The following PCBP3 variants were observed in gnomAD, a reference collection of about 807,000 sequenced individuals.
The protein encoded by PCBP3 is poly(rC) binding protein 3, also known as poly(rC)-binding protein 3.
Under a neutral mutation model 52.7 loss-of-function variants are expected in PCBP3, and 25 were observed. That is an observed-to-expected ratio of 0.47 (90% CI 0.35 to 0.66). PCBP3 has a LOEUF of 0.66. Among genes scored for constraint, PCBP3 ranks in the 30% least tolerant of loss-of-function variants. PCBP3 has a pLI of 0.01. For synonymous variants in PCBP3, 162 were observed against 183.0 expected, an observed-to-expected ratio of 0.89 and a Z score of 0.93; for missense variants, 391 against 490.3, an observed-to-expected ratio of 0.80 and a Z score of 1.91.
At chr21:45,842,112 C>T (rs2093711316) in intron 4 of PCBP3, among the ~76,000 whole-genome samples, 1 of 152,250 alleles carries the variant, frequency 6.6e-6, no homozygotes, top group African/African-American at 2.4e-5. Flanking sequence ...ATTCTCTGTG[C>T]AGAAGTGAAT....
intron 5 of PCBP3, among the ~76,000 whole-genome samples, chr21:45,867,690 C>T (rs1381782886): frequency 6.6e-6 from 1 of 152,270 alleles, no homozygotes; most frequent in African/African-American, 2.4e-5. Flanking sequence ...GGGGCTGCGC[C>T]CATCGTGGAG....
intron 4 of PCBP3, among the ~76,000 whole-genome samples, chr21:45,832,057 A>G (rs147198694): frequency 1.5e-3 from 226 of 152,316 alleles, no homozygotes; most frequent in Non-Finnish European, 2.6e-3. Context: ...TGGCTACTTC[A>G]TACGCAGAGC....
intron 13 of PCBP3, among the ~76,000 whole-genome samples, chr21:45,922,975 TGTC>T (rs201918936): frequency 8.1e-6 from 1 of 123,232 alleles, no homozygotes; most frequent in Non-Finnish European, 1.7e-5. Context: ...TGTAGAAATG[TGTC>T]GTTGTAAGTG....
chr21:45,930,244 T>C (rs1433222373), intron 14 of PCBP3, among the ~76,000 whole-genome samples: 2 of 152,192 alleles, frequency 1.3e-5, no homozygotes, highest in Non-Finnish European at 2.9e-5. Context: ...GCCTTGCTTG[T>C]GAAGAGACGT....
chr21:45,925,395 A>C (rs2075266888), intron 13 of PCBP3, among the ~76,000 whole-genome samples: 1 of 152,274 alleles, frequency 6.6e-6, no homozygotes, highest in South Asian at 2.1e-4. Context: ...AAGGAGTGAA[A>C]TAAAAAAGAA....
intron 2 of PCBP3, among the ~76,000 whole-genome samples, chr21:45,694,100 C>T (rs954229920): frequency 9.2e-5 from 14 of 151,710 alleles, no homozygotes; most frequent in African/African-American, 2.2e-4. Flanking sequence ...ATTAAAACAA[C>T]GGAATAAAAA....
intron 4 of PCBP3, among the ~76,000 whole-genome samples, chr21:45,841,424 A>G (rs2093697729): frequency 6.7e-6 from 1 of 148,322 alleles, no homozygotes; most frequent in Non-Finnish European, 1.5e-5. Flanking sequence ...AAAAAAATCT[A>G]GTTGGTTCGT....
intron 5 of PCBP3, among the ~76,000 whole-genome samples, chr21:45,895,454 G>C (rs2095799974): frequency 6.6e-6 from 1 of 152,172 alleles, no homozygotes; most frequent in African/African-American, 2.4e-5. Flanking sequence ...CAGTACCTCG[G>C]AGCAGGGTCC....
At chr21:45,748,327 G>T (rs1322667616) in intron 3 of PCBP3, among the ~76,000 whole-genome samples, 5 of 152,190 alleles carry the variant, frequency 3.3e-5, no homozygotes, top group Admixed American at 3.3e-4. Context: ...ACTTCATTCT[G>T]TGTAGGGTTC....
rs1042593800 is a variant in PCBP3, at chr21:45,772,644, G to C, written c.-126+17192G>C. Among the ~76,000 whole-genome samples the C allele has an allele frequency of 2.6e-5, 4 of 152,124 alleles. No homozygotes were observed. In the South Asian group the frequency reaches 8.3e-4, roughly 32 times the overall value. ...AGTTTTTTTGAAAAATCTCTGTACTGTTTTCCATAGTGGCTGTACTCGTTT... is the reference window on the plus strand; with the variant it reads ...AGTTTTTTTGAAAAATCTCTGTACTCTTTTCCATAGTGGCTGTACTCGTTT... On this transcript the variant is annotated intron_variant, in intron 4 of 17. Transcript: ENST00000681687.
chr21:45,672,624 T>A (rs529888750), intron 2 of PCBP3, among the ~76,000 whole-genome samples: 1 of 152,302 alleles, frequency 6.6e-6, no homozygotes, highest in Non-Finnish European at 1.5e-5. Flanking sequence ...TTCTTATGCA[T>A]GTGTCTCTCC....
At chr21:45,935,208 T>TAG in intron 15 of PCBP3, 45 bp from the exon 16 acceptor site, 1 of 1,431,208 alleles carries the variant, frequency 7.0e-7, no homozygotes, top group Non-Finnish European at 9.8e-7. Flanking sequence ...GTGTGACTGT[T>TAG]AGCAGCCTTC....
rs892029915 is a variant in PCBP3, at chr21:45,732,263, T to C, written c.-199-3129T>C. Reference sequence around the variant, plus strand: ...TCTGTTCACCCTGTCTGTGCTTGTCTCTTTGTACATAGTTTCCTATTTTAA... The same window carrying C: ...TCTGTTCACCCTGTCTGTGCTTGTCCCTTTGTACATAGTTTCCTATTTTAA... On this transcript the variant is annotated intron_variant, in intron 2 of 17. Coordinates refer to ENST00000681687, the MANE Select transcript of PCBP3 (RefSeq NM_001384156.1). Among the ~76,000 whole-genome samples the C allele has an allele frequency of 2.6e-5, 4 of 152,146 alleles. No homozygotes were observed. In the South Asian group the frequency reaches 8.3e-4, roughly 31 times the overall value.
rs1410821019 is a variant in PCBP3, at chr21:45,930,756, C to T, written c.797-30C>T. The T allele has an allele frequency of 2.6e-5, 27 of 1,031,382 alleles. No homozygotes were observed. The East Asian group carries it at 5.7e-4, about 22-fold the overall frequency. The allele number at this position is 1,031,382 out of a possible 1,614,324, so 63.9% of individuals were successfully genotyped here. A position where few individuals can be genotyped will look rare whatever the true frequency, so the allele number is the denominator to read the frequency against. On this transcript the variant is annotated intron_variant, in intron 14 of 17. Transcript: ENST00000681687. ...CCTGCTTATCTCCTTGAGGGCAAAA[C>T]ATTAAACCTGTCTCTTCTTTGCTCT...
chr21:45,761,936 C>T (rs1454739695), intron 4 of PCBP3: 2 of 152,308 alleles, frequency 1.3e-5, no homozygotes, highest in Admixed American at 6.5e-5. Flanking sequence ...TGGTCTCTCT[C>T]TGTGCAACTC....
At chr21:45,841,037 T>C (rs2093689324) in intron 4 of PCBP3, among the ~76,000 whole-genome samples, 1 of 152,260 alleles carries the variant, frequency 6.6e-6, no homozygotes, top group Non-Finnish European at 1.5e-5. Context: ...TCATGTGTTG[T>C]GTACCGCTTT....
chr21:45,807,316 A>G (rs548253567), intron 4 of PCBP3, among the ~76,000 whole-genome samples: 3 of 152,346 alleles, frequency 2.0e-5, no homozygotes, highest in African/African-American at 7.2e-5. Flanking sequence ...AATCTCCTTA[A>G]GCTGATAAGC....
At chr21:45,664,819 C>T (rs1017768633) in intron 1 of PCBP3, among the ~76,000 whole-genome samples, 1 of 140,162 alleles carries the variant, frequency 7.1e-6, no homozygotes, top group Non-Finnish European at 1.5e-5. Flanking sequence ...TTCCTGTGTC[C>T]ATGTGATCTC....
At chr21:45,750,870 ATGTAAG>A (rs1477824471) in intron 3 of PCBP3, 2 of 146,762 alleles carry the variant, frequency 1.4e-5, no homozygotes, top group Admixed American at 1.4e-4. Context: ...GCATACATAC[ATGTAAG>A]TGTGTGTGTG....
Sources: gnomAD v4.1 joint callset for allele counts (sites outside exome capture counted in the v4.1 genomes callset) on GRCh38, gnomAD v4.1.1 for gene constraint, MANE v1.5 for transcripts, NCBI Gene and HGNC (gene_info 2026-07-23, HGNC 2026-07-21) for gene names.